PIK3C2A: variants seen among roughly 807,000 people sequenced by gnomAD.
The protein encoded by PIK3C2A is phosphatidylinositol 4-phosphate 3-kinase C2 domain-containing subunit alpha.
A neutral mutation model predicts 204.5 loss-of-function variants in PIK3C2A; 97 were observed. The observed-to-expected ratio is 0.47, with a 90% CI of 0.40 to 0.56. PIK3C2A has a LOEUF of 0.56. PIK3C2A is among the 20% of genes least tolerant of loss of function. The pLI, the probability that PIK3C2A is intolerant of heterozygous loss-of-function variation, is 0.00. For synonymous variants in PIK3C2A, 653 were observed against 664.4 expected, an observed-to-expected ratio of 0.98 and a Z score of 0.26; for missense variants, 1,735 against 1,969.2, an observed-to-expected ratio of 0.88 and a Z score of 2.25.
chr11:17,173,577 A>C (rs1851245960), intron 1 of PIK3C2A, among the ~76,000 whole-genome samples: 1 of 152,250 alleles, frequency 6.6e-6, no homozygotes, highest in Non-Finnish European at 1.5e-5. Context: ...TCATTTATGC[A>C]GGCCAGTAAG....
At chr11:17,110,709 T>C in intron 21 of PIK3C2A, 148 bp from the exon 22 acceptor site, 2 of 589,920 alleles carry the variant, frequency 3.4e-6, no homozygotes, top group Non-Finnish European at 5.7e-6. Context: ...CTGGCCAACA[T>C]GGTGGAAACC....
intron 22 of PIK3C2A, 84 bp from the exon 23 acceptor site, chr11:17,105,389 T>A: frequency 8.6e-7 from 1 of 1,160,794 alleles, no homozygotes; most frequent in African/African-American, 1.6e-5. Context: ...TATTACTTTT[T>A]AAATTTCACT....
At chr11:17,168,568 G>A (rs979246582) in intron 2 of PIK3C2A, 109 bp downstream of exon 2, 18 of 787,710 alleles carry the variant, frequency 2.3e-5, no homozygotes, top group African/African-American at 1.0e-4. Context: ...GCGACAGAGC[G>A]AGACTCCTTC....
chr11:17,120,718 G>A (rs890887323), intron 15 of PIK3C2A, among the ~76,000 whole-genome samples: 4 of 151,854 alleles, frequency 2.6e-5, no homozygotes, highest in East Asian at 1.9e-4. Flanking sequence ...CTTTATTTTC[G>A]TGGTAATACA....
chr11:17,097,312 T>G, intron 26 of PIK3C2A, 48 bp from the exon 27 acceptor site: 2 of 1,162,526 alleles, frequency 1.7e-6, no homozygotes, highest in Non-Finnish European at 2.5e-6. Context: ...GAACACATGG[T>G]AAATTCTTTC....
At chr11:17,119,728 C>A in intron 16 of PIK3C2A, 58 bp downstream of exon 16, 1 of 1,048,012 alleles carries the variant, frequency 9.5e-7, no homozygotes, top group Non-Finnish European at 1.4e-6. Flanking sequence ...CTTCTGGCAA[C>A]ATACCTTACT....
At chr11:17,120,123 T>G in intron 15 of PIK3C2A, 149 bp from the exon 16 acceptor site, 1 of 494,644 alleles carries the variant, frequency 2.0e-6, no homozygotes, top group Non-Finnish European at 3.5e-6. Context: ...AAAAATGCAA[T>G]GTATGGCAAA....
chr11:17,173,978 T>G (rs1311157936), intron 1 of PIK3C2A, among the ~76,000 whole-genome samples: 1 of 152,086 alleles, frequency 6.6e-6, no homozygotes, highest in East Asian at 2.0e-4. Flanking sequence ...AATTTTTGTA[T>G]TTTTAGTAGA....
In PIK3C2A at chr11:17,147,501, T is replaced by C. The variant is rs772166659; in HGVS notation, c.1560+16A>G. On this transcript the variant is annotated intron_variant, in intron 6 of 32. Coordinates refer to ENST00000691414, the MANE Select transcript of PIK3C2A (RefSeq NM_002645.4). ...GATTCAAACAAATGGAATTCAGTTA[T>C]GAGGTACACACTTACTGTTCGGGCC... The C allele has an allele frequency of 7.7e-7, 1 of 1,297,572 alleles. No homozygotes were observed. The highest frequency in any genetic ancestry group is 1.8e-5 in the Admixed American group (1 of 56,214). The allele number at this position is 1,297,572 out of a possible 1,614,324, so 80.4% of individuals were successfully genotyped here. A position where few individuals can be genotyped will look rare whatever the true frequency, so the allele number is the denominator to read the frequency against.
intron 22 of PIK3C2A, among the ~76,000 whole-genome samples, chr11:17,106,315 T>C (rs1249794998): frequency 7.0e-6 from 1 of 143,078 alleles, no homozygotes; most frequent in African/African-American, 2.6e-5. Flanking sequence ...TGGAGGCTGA[T>C]GCATGAGAAT....
intron 1 of PIK3C2A, among the ~76,000 whole-genome samples, chr11:17,179,313 T>C (rs772287793): frequency 2.6e-5 from 4 of 151,942 alleles, no homozygotes; most frequent in Non-Finnish European, 4.4e-5. Context: ...AGGCATGTAC[T>C]ACTACATCCA....
At chr11:17,108,538 C>T (rs1203031261) in intron 22 of PIK3C2A, among the ~76,000 whole-genome samples, 1 of 152,080 alleles carries the variant, frequency 6.6e-6, no homozygotes, top group East Asian at 1.9e-4. Flanking sequence ...ATTGCTTGAG[C>T]CCAGGAGTTT....
chr11:17,163,217 A>C (rs566187942), intron 2 of PIK3C2A, among the ~76,000 whole-genome samples: 177 of 152,210 alleles, frequency 1.2e-3, no homozygotes, highest in African/African-American at 4.1e-3. Flanking sequence ...GAGCCAGGAG[A>C]ATCACTTGAA....
intron 2 of PIK3C2A, 77 bp from the exon 3 acceptor site, chr11:17,155,706 T>C: frequency 1.4e-6 from 1 of 719,110 alleles, no homozygotes; most frequent in Non-Finnish European, 2.4e-6. Context: ...CACAAACACA[T>C]TTTTATGAAA....
At chr11:17,172,970 C>T (rs1056513270) in intron 1 of PIK3C2A, among the ~76,000 whole-genome samples, 9 of 152,310 alleles carry the variant, frequency 5.9e-5, no homozygotes, top group African/African-American at 2.2e-4. Context: ...TGTCAAACTT[C>T]TCCAATGAGG....
intron 1 of PIK3C2A, among the ~76,000 whole-genome samples, chr11:17,199,526 T>C (rs1447451031): frequency 6.6e-6 from 1 of 152,224 alleles, no homozygotes; most frequent in Non-Finnish European, 1.5e-5. Flanking sequence ...ATAAAAATGA[T>C]ACATTCTACA....
chr11:17,111,367 T>C (rs180881429), intron 21 of PIK3C2A, among the ~76,000 whole-genome samples: 2 of 152,276 alleles, frequency 1.3e-5, no homozygotes, highest in East Asian at 3.9e-4. Flanking sequence ...TCTGTACAGT[T>C]TGTTACAATT....
At position 17,169,556 on chromosome 11, in the gene PIK3C2A, T is replaced by C. The variant is rs1209136992; in HGVS notation, c.186A>G (p.Arg62=). Reference sequence around the variant, plus strand: ...GCTTGTTATAAACCTGTGCTTTTTTTCTGGTGCTGCTTGACAACTCAAAGC... The same window carrying C: ...GCTTGTTATAAACCTGTGCTTTTTTCCTGGTGCTGCTTGACAACTCAAAGC... ...QRGFELSSST[R]KKAQVYNKQD... Residue 62 remains arginine (R), a synonymous_variant, in exon 2 of 33, where the codon AGA becomes AGG. Transcript: ENST00000691414. 6.2e-7 allele frequency: 1 copy of C among 1,614,170 alleles called. No individual in the cohort carries two copies. The highest frequency in any genetic ancestry group is 1.7e-5 in the Admixed American group (1 of 60,030).
Position 17,134,873 on chromosome 11 carries a change from T to C in PIK3C2A, c.2054A>G (p.Gln685Arg). Reference sequence around the variant, plus strand: ...AGCAGCAAAAATAGTAAACTGGAGCTGCTCTGTTGTAGTCCATGCTTCCTT... The same window carrying C: ...AGCAGCAAAAATAGTAAACTGGAGCCGCTCTGTTGTAGTCCATGCTTCCTT... Reference protein sequence around the residue: ...SVKEAWTTTEQLQFTIFAAHG... With the variant: ...SVKEAWTTTERLQFTIFAAHG... Residue 685 changes from glutamine (Q) to arginine (R), a missense_variant, in exon 11 of 33, where the codon CAG becomes CGG. By Grantham distance (43) the Gln-to-Arg change is conservative. This residue lies in a region of PIK3C2A where 567 missense variants were observed against 576.0 expected (regional missense o/e 0.98). Coordinates refer to ENST00000691414, the MANE Select transcript of PIK3C2A (RefSeq NM_002645.4). 6.2e-7 allele frequency: 1 copy of C among 1,614,204 alleles called. No homozygotes were observed. The highest frequency in any genetic ancestry group is 8.5e-7 in the Non-Finnish European group (1 of 1,180,010).
Sources: allele counts gnomAD v4.1 joint callset (sites outside exome capture counted in the v4.1 genomes callset), GRCh38; gene constraint gnomAD v4.1.1; regional missense constraint gnomAD v4.1.1; transcripts MANE v1.5; gene names NCBI Gene and HGNC (gene_info 2026-07-23, HGNC 2026-07-21).